The following RINT1 variants were observed in gnomAD, a reference collection of about 807,000 sequenced individuals.
RINT1 encodes the protein RAD50-interacting protein 1.
Under a neutral mutation model 97.7 loss-of-function variants are expected in RINT1, and 75 were observed. That is an observed-to-expected ratio of 0.77 (90% CI 0.64 to 0.93). The LOEUF (loss-of-function observed/expected upper bound fraction) is 0.93, where lower values mean the gene tolerates loss of function less well. Among genes scored for constraint, RINT1 ranks in the 40% least tolerant of loss-of-function variants. The pLI is 0.00. For synonymous variants in RINT1, 303 were observed against 326.3 expected, an observed-to-expected ratio of 0.93 and a Z score of 0.77; for missense variants, 892 against 925.2, an observed-to-expected ratio of 0.96 and a Z score of 0.47.
At position 105,536,727 on chromosome 7, in the gene RINT1, G is replaced by C. The variant is rs1017536954; in HGVS notation, c.251G>C (p.Ser84Thr). The C allele has an allele frequency of 1.3e-6, 2 of 1,596,322 alleles. No individual in the cohort carries two copies. The highest frequency in any genetic ancestry group is 2.7e-5 in the African/African-American group (2 of 74,228). Residue 84 changes from serine (S) to threonine (T), a missense_variant, in exon 3 of 15, where the codon AGT becomes ACT. Transcript: ENST00000257700. ...LDKLIEQRTV[S>T]KMQLEEQVLT... ...AAACTCATAGAACAGAGGACAGTAA[G>C]TAAAATGCAGTTAGAAGAACAGGTA...
chr7:105,563,732 G>C lies in RINT1; in HGVS notation c.1672-1G>C, dbSNP rs1423003209. ...ATGTGTTAACATGTTTTTGCTTTCAGTTCTTTCTACAACTTCAACAGGCTG... is the reference window on the plus strand; with the variant it reads ...ATGTGTTAACATGTTTTTGCTTTCACTTCTTTCTACAACTTCAACAGGCTG... On this transcript the variant is annotated splice_acceptor_variant, in intron 11 of 14. Transcript: ENST00000257700. LOFTEE classifies it high-confidence loss of function. 7.5e-6 allele frequency: 12 copies of C among 1,608,164 alleles called. No homozygotes were observed. Among genetic ancestry groups the C allele is most frequent in the Non-Finnish European group, 1.0e-5 (12 of 1,177,936 alleles).
chr7:105,545,853 G>C (rs1790645407), intron 4 of RINT1, among the ~76,000 whole-genome samples: 1 of 150,580 alleles, frequency 6.6e-6, no homozygotes, highest in Admixed American at 6.6e-5. Context: ...TGCCAGGCTA[G>C]AGTGCAGTGG....
At chr7:105,551,192 G>T (rs1455184495) in intron 9 of RINT1, among the ~76,000 whole-genome samples, 3 of 152,114 alleles carry the variant, frequency 2.0e-5, no homozygotes, top group East Asian at 3.9e-4. Flanking sequence ...GCCATGCCTG[G>T]CTACTTTTTG....
chr7:105,558,726 A>G (rs1791297097), intron 11 of RINT1, among the ~76,000 whole-genome samples: 3 of 152,016 alleles, frequency 2.0e-5, no homozygotes, highest in Admixed American at 2.0e-4. Flanking sequence ...TTGGGAGGCT[A>G]AGGTGGGTGG....
At chr7:105,554,957 G>A in intron 10 of RINT1, 71 bp from the exon 11 acceptor site, 3 of 1,188,316 alleles carry the variant, frequency 2.5e-6, no homozygotes, top group Non-Finnish European at 2.4e-6. Context: ...AAGCAGGACA[G>A]TAGGGAAAAC....
chr7:105,534,851 A>G (rs907327061), intron 2 of RINT1, among the ~76,000 whole-genome samples: 6 of 152,112 alleles, frequency 3.9e-5, no homozygotes, highest in African/African-American at 7.2e-5. Context: ...TAATTCATAT[A>G]AGTTAAGTAG....
In RINT1 at chr7:105,546,915, A is replaced by C. The variant is rs1790690112; in HGVS notation, c.521A>C (p.Asn174Thr). The C allele has an allele frequency of 4.4e-6, 7 of 1,596,546 alleles. No individual in the cohort carries two copies. In the East Asian group the frequency reaches 1.6e-4, roughly 36 times the overall value. Residue 174 changes from asparagine to threonine, a missense_variant, in exon 5 of 15, where the codon AAC becomes ACC. Asn to Thr is a moderately conservative substitution (Grantham distance 65). Coordinates refer to ENST00000257700, the MANE Select transcript of RINT1 (RefSeq NM_021930.6). The part of the protein sequence containing the change: ...WISQIEELSD[N>T]IQQYLMTNNV... Reference sequence around the variant, plus strand: ...TTGCTTTACTTTGTTTACAGTGATAACATTCAGCAATATCTGATGACCAAT... The same window carrying C: ...TTGCTTTACTTTGTTTACAGTGATACCATTCAGCAATATCTGATGACCAAT...
chr7:105,561,395 G>T (rs891006410), intron 11 of RINT1, among the ~76,000 whole-genome samples: 3 of 151,982 alleles, frequency 2.0e-5, no homozygotes, highest in East Asian at 3.9e-4. Context: ...AGGTATGGTG[G>T]TGCTCGCCTG....
chr7:105,550,232 A>G, intron 8 of RINT1, 29 bp from the exon 9 acceptor site: 1 of 1,608,920 alleles, frequency 6.2e-7, no homozygotes, highest in Non-Finnish European at 8.5e-7. Context: ...CTTTTTATTT[A>G]CATACCTCAT....
At chr7:105,548,101 C>T (rs529759048) in intron 6 of RINT1, among the ~76,000 whole-genome samples, 14 of 152,210 alleles carry the variant, frequency 9.2e-5, no homozygotes, top group Middle Eastern at 3.4e-3. Context: ...AGTCATGGCT[C>T]ACTGCAGCCT....
chr7:105,540,784 G>A (rs559895424), intron 3 of RINT1, among the ~76,000 whole-genome samples: 87 of 151,828 alleles, frequency 5.7e-4, no homozygotes, highest in Middle Eastern at 6.9e-3. Flanking sequence ...GAATCACCTG[G>A]GGTATGTTGG....
intron 7 of RINT1, among the ~76,000 whole-genome samples, chr7:105,549,122 G>C (rs7777343): frequency 0.14 from 21,091 of 151,440 alleles, 1,785 homozygotes; most frequent in South Asian, 0.24. Flanking sequence ...CAAGTAGCTG[G>C]GACTACAGGC....
At chr7:105,546,826 A>T (rs1055507682) in intron 4 of RINT1, 84 bp from the exon 5 acceptor site, 2 of 962,968 alleles carry the variant, frequency 2.1e-6, no homozygotes, top group Non-Finnish European at 3.1e-6. Flanking sequence ...CATTGAGCCA[A>T]ATCATGCCAC....
At chr7:105,547,710 T>C (rs1790729109) in intron 6 of RINT1, among the ~76,000 whole-genome samples, 1 of 147,226 alleles carries the variant, frequency 6.8e-6, no homozygotes, top group Non-Finnish European at 1.5e-5. Context: ...TCTAATACCA[T>C]TTTTGTGCTT....
intron 12 of RINT1, 109 bp from the exon 13 acceptor site, chr7:105,565,168 C>T: frequency 1.2e-6 from 1 of 854,574 alleles, no homozygotes; most frequent in Non-Finnish European, 1.7e-6. Context: ...TATATTTTTT[C>T]TTATCCAAAA....
intron 7 of RINT1, 64 bp from the exon 8 acceptor site, chr7:105,549,991 C>A: frequency 3.9e-6 from 4 of 1,012,926 alleles, no homozygotes; most frequent in Non-Finnish European, 6.0e-6. Flanking sequence ...TAAATAGAAC[C>A]ATGTAATTGT....
rs779874029 is a variant in RINT1 at position 105,555,057 on chromosome 7, C to T, written c.1501C>T (p.Arg501Ter). The T allele has an allele frequency of 1.9e-6, 3 of 1,613,774 alleles. No homozygotes were observed. Among genetic ancestry groups the T allele is most frequent in the South Asian group, 1.1e-5 (1 of 91,040 alleles). Residue 501 changes from arginine to a stop codon, truncating the protein, a stop_gained, in exon 11 of 15, where the codon CGA (arginine) becomes TGA (stop). Transcript: ENST00000257700. LOFTEE classifies it high-confidence loss of function. Reference sequence around the variant, plus strand: ...GTATAAAAATCTTCCCACAGCTTCCCGAAAGCTTCAGTTCCTGGAGTTACA... The same window carrying T: ...GTATAAAAATCTTCCCACAGCTTCCTGAAAGCTTCAGTTCCTGGAGTTACA... ...DRYKNLPTAS[R>*]KLQFLELQKD...
At chr7:105,555,684 A>G (rs914239966) in intron 11 of RINT1, among the ~76,000 whole-genome samples, 3 of 152,250 alleles carry the variant, frequency 2.0e-5, no homozygotes. Flanking sequence ...TGTTTCATAC[A>G]TTAAAAATCT....
At chr7:105,567,018 G>C (rs1238059454) in intron 14 of RINT1, 101 bp from the exon 15 acceptor site, 1 of 597,808 alleles carries the variant, frequency 1.7e-6, no homozygotes, top group East Asian at 3.0e-5. Context: ...GAGAACATGT[G>C]GACCAGCAGT....
Sources: allele counts gnomAD v4.1 joint callset (sites outside exome capture counted in the v4.1 genomes callset), GRCh38; gene constraint gnomAD v4.1.1; transcripts MANE v1.5; gene names NCBI Gene and HGNC (gene_info 2026-07-23, HGNC 2026-07-21).